The following GABRR2 variants were observed in gnomAD, a reference collection of about 807,000 sequenced individuals.
GABRR2 encodes gamma-aminobutyric acid receptor subunit rho-2.
In GABRR2, 36 loss-of-function variants were observed where a neutral mutation model predicts 47.0. That is an observed-to-expected ratio of 0.77 (90% CI 0.59 to 1.01). The LOEUF (loss-of-function observed/expected upper bound fraction) is 1.01. GABRR2 is among the 50% of genes least tolerant of loss of function. The probability of loss-of-function intolerance (pLI) is 0.00; values close to 1 mark genes in which losing one functional copy is unlikely to be tolerated. For missense variants in GABRR2, 587 were observed against 594.6 expected, an observed-to-expected ratio of 0.99 and a Z score of 0.13; for synonymous variants, 204 against 227.5, an observed-to-expected ratio of 0.90 and a Z score of 0.93.
rs754431877 is a variant in GABRR2, at chr6:89,257,878, A to G, written c.1190T>C (p.Ile397Thr). The part of the protein sequence containing the change: ...NSLAGYPRSH[I>T]LTEEERQDKI... ...GTCTTGCCTTTCTTCTTCTGTCAGG[A>G]TATGGCTTCTGGGGTACCCAGCCAG... Residue 397 changes from isoleucine (I) to threonine (T), a missense_variant, in exon 9 of 9, where the codon ATC becomes ACC. Ile to Thr is a moderately conservative substitution (Grantham distance 89). Coordinates refer to ENST00000402938, the MANE Select transcript of GABRR2 (RefSeq NM_002043.5). 3.1e-6 allele frequency: 5 copies of G among 1,614,022 alleles called. No individual in the cohort carries two copies. The highest frequency in any genetic ancestry group is 4.2e-6 in the Non-Finnish European group (5 of 1,179,898).
chr6:89,257,547 C>T lies in GABRR2; in HGVS notation c.*123G>A, dbSNP rs1005435788. ...GCTTCTCTGAGAGATGAGTGCTGCT[C>T]AGGGTGGTCCAGTAGCTGCTGCATT... On this transcript the variant is annotated 3_prime_UTR_variant, in exon 9 of 9. Coordinates refer to ENST00000402938, the MANE Select transcript of GABRR2 (RefSeq NM_002043.5). 3.9e-6 allele frequency: 3 copies of T among 776,062 alleles called. No homozygotes were observed. The highest frequency in any genetic ancestry group is 3.5e-5 in the African/African-American group (2 of 57,024). The allele number at this position is 776,062 out of a possible 1,614,324, so 48.1% of individuals were successfully genotyped here. A position where few individuals can be genotyped will look rare whatever the true frequency, so the allele number is the denominator to read the frequency against.
chr6:89,291,022 C>A (rs1433911229), intron 2 of GABRR2, among the ~76,000 whole-genome samples: 4 of 152,280 alleles, frequency 2.6e-5, no homozygotes, highest in African/African-American at 7.2e-5. Context: ...CTTCAATGAC[C>A]CCTTGGAGCA....
intron 8 of GABRR2, among the ~76,000 whole-genome samples, chr6:89,261,934 G>A (rs1362329389): frequency 6.6e-6 from 1 of 151,898 alleles, no homozygotes; most frequent in Non-Finnish European, 1.5e-5. Context: ...AGCTACTTGG[G>A]AGGCTGAAGT....
chr6:89,279,649 G>A (rs932310773), intron 2 of GABRR2, among the ~76,000 whole-genome samples: 5 of 149,700 alleles, frequency 3.3e-5, no homozygotes, highest in Non-Finnish European at 7.4e-5. Context: ...TGGGATTACA[G>A]GTGTGAGCCA....
At chr6:89,281,224 C>T (rs1315932043) in intron 2 of GABRR2, among the ~76,000 whole-genome samples, 1 of 152,206 alleles carries the variant, frequency 6.6e-6, no homozygotes, top group Non-Finnish European at 1.5e-5. Flanking sequence ...GCAGTTCCTT[C>T]CTCCAGGAGC....
At chr6:89,269,288 T>C in intron 3 of GABRR2, 54 bp from the exon 4 acceptor site, 1 of 1,345,282 alleles carries the variant, frequency 7.4e-7, no homozygotes. Flanking sequence ...TTTTCTTCCT[T>C]ACAATCAACC....
chr6:89,289,938 C>G (rs1774406788), intron 2 of GABRR2, among the ~76,000 whole-genome samples: 1 of 152,164 alleles, frequency 6.6e-6, no homozygotes, highest in Admixed American at 6.5e-5. Context: ...GGGACCAAGG[C>G]ACAACCTTGC....
At position 89,272,334 on chromosome 6, in the gene GABRR2, C is replaced by T. The variant is rs183240430; in HGVS notation, c.221-612G>A. ...ATTAGAAGTATGAGAAAACCCAGCA[C>T]GGAAACTAGCACTGAACTTCATCTG... On this transcript the variant is annotated intron_variant, in intron 2 of 8. Coordinates refer to ENST00000402938, the MANE Select transcript of GABRR2 (RefSeq NM_002043.5). Among the ~76,000 whole-genome samples the T allele has an allele frequency of 5.1e-4, 77 of 152,332 alleles. No individual in the cohort carries two copies. In the Middle Eastern group the frequency reaches 0.01, roughly 20 times the overall value.
intron 1 of GABRR2, among the ~76,000 whole-genome samples, chr6:89,310,579 T>C (rs1767663352): frequency 6.6e-6 from 1 of 152,156 alleles, no homozygotes; most frequent in African/African-American, 2.4e-5. Flanking sequence ...CTTAAATCCC[T>C]ACCCTCTACT....
At position 89,257,364 on chromosome 6, in the gene GABRR2, G is replaced by C. The variant is rs769641327; in HGVS notation, c.*306C>G. 5.7e-6 allele frequency: 2 copies of C among 351,634 alleles called. No homozygotes were observed. The highest frequency in any genetic ancestry group is 1.0e-5 in the Non-Finnish European group (2 of 193,722). 21.8% of individuals were successfully genotyped at this position (351,634 alleles called of 1,614,324 possible). On this transcript the variant is annotated 3_prime_UTR_variant, in exon 9 of 9. Coordinates refer to ENST00000402938, the MANE Select transcript of GABRR2 (RefSeq NM_002043.5). ...AATCTGAGGGTCTAAGAATGTCTAG[G>C]AGGCATTTGAATCCTTGTTTATAGG...
chr6:89,278,539 T>C (rs759563272), intron 2 of GABRR2, among the ~76,000 whole-genome samples: 3 of 152,228 alleles, frequency 2.0e-5, no homozygotes, highest in Non-Finnish European at 4.4e-5. Flanking sequence ...CTGAGGGGCT[T>C]GAGTCTCACA....
Position 89,257,032 on chromosome 6 carries a change from A to G in GABRR2, c.*638T>C, listed in dbSNP as rs1773614499. 6.6e-6 allele frequency among the ~76,000 whole-genome samples: 1 copy of G among 152,206 alleles called. No individual in the cohort carries two copies. The highest frequency in any genetic ancestry group is 2.4e-5 in the African/African-American group (1 of 41,442). ...CAACTTAGAGAAGATCTCTAAGGAAAGAGACTATTTTCTCATTTCTACCGT... is the reference window on the plus strand; with the variant it reads ...CAACTTAGAGAAGATCTCTAAGGAAGGAGACTATTTTCTCATTTCTACCGT... On this transcript the variant is annotated 3_prime_UTR_variant, in exon 9 of 9. Coordinates refer to ENST00000402938, the MANE Select transcript of GABRR2 (RefSeq NM_002043.5).
intron 2 of GABRR2, among the ~76,000 whole-genome samples, chr6:89,273,768 C>A (rs1428185904): frequency 1.3e-5 from 2 of 152,210 alleles, no homozygotes; most frequent in African/African-American, 2.4e-5. Flanking sequence ...ATCCTGGGGA[C>A]CCTTCATTAG....
At chr6:89,291,638 G>C (rs1369098453) in intron 2 of GABRR2, among the ~76,000 whole-genome samples, 1 of 152,076 alleles carries the variant, frequency 6.6e-6, no homozygotes, top group Non-Finnish European at 1.5e-5. Context: ...TCACTGCCTG[G>C]ATGCAGGCTT....
chr6:89,275,549 C>T (rs888767525), intron 2 of GABRR2, among the ~76,000 whole-genome samples: 3 of 152,214 alleles, frequency 2.0e-5, no homozygotes, highest in African/African-American at 7.2e-5. Flanking sequence ...GCTGAGATTA[C>T]AGGTGTGAAC....
rs531733757 is a variant in GABRR2 at position 89,288,326 on chromosome 6, G to A, written c.220+11433C>T. On this transcript the variant is annotated intron_variant, in intron 2 of 8. Coordinates refer to ENST00000402938, the MANE Select transcript of GABRR2 (RefSeq NM_002043.5). ...ATCAGAGAGAGGGGAGCCAGAGAGT[G>A]GAAAAGGAGGAAAGGAGGAAACCAG... Among the ~76,000 whole-genome samples, 7 of 152,200 alleles carry A rather than the reference G, an allele frequency of 4.6e-5. No homozygotes were observed. The South Asian group carries it at 6.2e-4, about 14-fold the overall frequency.
chr6:89,312,067 C>G (rs1767690738), intron 1 of GABRR2, among the ~76,000 whole-genome samples: 1 of 152,146 alleles, frequency 6.6e-6, no homozygotes. Flanking sequence ...GGGAAGGAAG[C>G]TACAGAGGGG....
intron 3 of GABRR2, among the ~76,000 whole-genome samples, chr6:89,270,683 G>T (rs1774030790): frequency 6.6e-6 from 1 of 152,180 alleles, no homozygotes; most frequent in Non-Finnish European, 1.5e-5. Context: ...AGGAGCAAGG[G>T]GCGTTCCCAC....
intron 1 of GABRR2, among the ~76,000 whole-genome samples, chr6:89,310,127 A>G (rs1164690097): frequency 6.6e-6 from 1 of 152,048 alleles, no homozygotes; most frequent in Non-Finnish European, 1.5e-5. Context: ...CCATTATGGT[A>G]TCATATAGAA....
Sources: allele counts gnomAD v4.1 joint callset (sites outside exome capture counted in the v4.1 genomes callset), GRCh38; gene constraint gnomAD v4.1.1; transcripts MANE v1.5; gene names NCBI Gene and HGNC (gene_info 2026-07-23, HGNC 2026-07-21).